Variants in NRXN3 observed in about 807,000 individuals in gnomAD.
NRXN3 encodes the protein neurexin III.
Under a neutral mutation model 137.6 loss-of-function variants are expected in NRXN3, and 32 were observed. The ratio of observed to expected loss-of-function variants is 0.23; its 90% CI spans 0.18 to 0.31. The LOEUF (loss-of-function observed/expected upper bound fraction) is 0.31. NRXN3 is among the 10% of genes least tolerant of loss of function. NRXN3 has a pLI of 1.00. For synonymous variants in NRXN3, 798 were observed against 784.5 expected (o/e 1.02, Z -0.29); for missense variants, 1,574 against 2,062.5 (o/e 0.76, Z 4.59).
At chr14:79,820,620 C>T (rs1369995217) in intron 20 of NRXN3, among the ~76,000 whole-genome samples, 2 of 152,092 alleles carry the variant, frequency 1.3e-5, no homozygotes, top group African/African-American at 2.4e-5. Context: ...AGGTATTAAG[C>T]CCAGTATCAA....
Position 78,243,924 on chromosome 14 carries a change from C to G in NRXN3, c.709+122C>G. The G allele has an allele frequency of 1.4e-6, 1 of 730,818 alleles. No homozygotes were observed. Among genetic ancestry groups the G allele is most frequent in the Non-Finnish European group, 2.2e-6 (1 of 450,408 alleles). The allele number at this position is 730,818 out of a possible 1,614,324, so 45.3% of individuals were successfully genotyped here. ...AGCTGCATGTTAGATCACTGGGCCC[C>G]TTGCCCTAAGGAGGCAGTGGAAATC... On this transcript the variant is annotated intron_variant, in intron 2 of 20. Transcript: ENST00000335750. This position sits in a 1 kb window ranked among gnomAD's most constrained non-coding sequence, Gnocchi z 4.2.
intron 19 of NRXN3, among the ~76,000 whole-genome samples, chr14:79,754,477 G>A (rs1369068227): frequency 1.5e-5 from 2 of 135,422 alleles, no homozygotes; most frequent in East Asian, 4.6e-4. Context: ...TGGATACAGA[G>A]GGAAGACTCA....
chr14:79,256,172 G>C (rs868057360), intron 15 of NRXN3, among the ~76,000 whole-genome samples: 2 of 145,302 alleles, frequency 1.4e-5, no homozygotes, highest in Admixed American at 1.4e-4. Context: ...CTCTCTCTCT[G>C]TCTCTCTCTC....
At chr14:79,251,071 A>G (rs1347857753) in intron 15 of NRXN3, among the ~76,000 whole-genome samples, 2 of 152,156 alleles carry the variant, frequency 1.3e-5, no homozygotes, top group Non-Finnish European at 2.9e-5. Context: ...ACATGATAGG[A>G]CAGGGCTAGT....
At chr14:79,036,322 C>T (rs562679891) in intron 15 of NRXN3, among the ~76,000 whole-genome samples, 48 of 151,878 alleles carry the variant, frequency 3.2e-4, no homozygotes, top group Non-Finnish European at 6.8e-4. Context: ...GTTCTAATGT[C>T]CTTTCTAAAA....
At chr14:79,183,637 A>C (rs995603777) in intron 15 of NRXN3, among the ~76,000 whole-genome samples, 1 of 152,230 alleles carries the variant, frequency 6.6e-6, no homozygotes, top group Non-Finnish European at 1.5e-5. Context: ...GATTAACTCT[A>C]GTCTATAATC....
At chr14:79,294,481 G>A (rs1306117712) in intron 15 of NRXN3, among the ~76,000 whole-genome samples, 2 of 152,188 alleles carry the variant, frequency 1.3e-5, no homozygotes, top group African/African-American at 2.4e-5. Context: ...TTGATCCACA[G>A]CACAGCCTTG....
intron 4 of NRXN3, among the ~76,000 whole-genome samples, chr14:78,412,512 G>A (rs1216118108): frequency 6.6e-6 from 1 of 152,144 alleles, no homozygotes; most frequent in Non-Finnish European, 1.5e-5. Context: ...CATTTGCTAT[G>A]TGCCAGGTGA....
At chr14:78,337,092 G>A (rs1458212232) in intron 4 of NRXN3, among the ~76,000 whole-genome samples, 1 of 151,996 alleles carries the variant, frequency 6.6e-6, no homozygotes, top group Non-Finnish European at 1.5e-5. Flanking sequence ...TTCTGAGCAC[G>A]CCTGGTGTCT....
intron 19 of NRXN3, among the ~76,000 whole-genome samples, chr14:79,750,454 C>T (rs1230550716): frequency 6.6e-6 from 1 of 152,124 alleles, no homozygotes; most frequent in African/African-American, 2.4e-5. Context: ...ACCTGAATCT[C>T]TTTTTGCCCT....
intron 10 of NRXN3, among the ~76,000 whole-genome samples, chr14:78,876,166 A>G (rs1279789196): frequency 6.6e-6 from 1 of 152,228 alleles, no homozygotes; most frequent in African/African-American, 2.4e-5. Flanking sequence ...TCAAATGCAG[A>G]ATGACAAAAG....
chr14:78,387,755 T>C (rs551867880), intron 4 of NRXN3, among the ~76,000 whole-genome samples: 1 of 152,342 alleles, frequency 6.6e-6, no homozygotes, highest in East Asian at 1.9e-4. Context: ...AAGAGAGATA[T>C]GGGAAGTGCA....
chr14:78,375,840 G>C (rs903677432), intron 4 of NRXN3, among the ~76,000 whole-genome samples: 1 of 152,190 alleles, frequency 6.6e-6, no homozygotes, highest in African/African-American at 2.4e-5. Flanking sequence ...TACCAAGGCT[G>C]TGAGGTGGGG....
intron 15 of NRXN3, 141 bp from the exon 16 acceptor site, chr14:79,467,080 C>T (rs1327920663): frequency 1.8e-5 from 12 of 677,188 alleles, no homozygotes; most frequent in Non-Finnish European, 2.5e-5. Context: ...CTTTGGGAGC[C>T]GTTCCTCTCA....
At chr14:78,753,786 G>A (rs2098654732) in intron 8 of NRXN3, 1 of 152,184 alleles carries the variant, frequency 6.6e-6, no homozygotes, top group South Asian at 2.1e-4. Flanking sequence ...TGGTGCAATA[G>A]ACTCTAGGAA....
chr14:78,402,608 G>A (rs1249944339), intron 4 of NRXN3, among the ~76,000 whole-genome samples: 1 of 152,134 alleles, frequency 6.6e-6, no homozygotes, highest in Admixed American at 6.5e-5. Context: ...ACAGTTTAGG[G>A]TCTACTCTGA....
chr14:78,475,148 G>A (rs2095356241), intron 4 of NRXN3, among the ~76,000 whole-genome samples: 2 of 152,182 alleles, frequency 1.3e-5, no homozygotes, highest in South Asian at 4.1e-4. Context: ...CAGTTGCTAG[G>A]TGAACTGATG....
chr14:78,389,887 A>C (rs1282017837), intron 4 of NRXN3, among the ~76,000 whole-genome samples: 3 of 152,200 alleles, frequency 2.0e-5, no homozygotes, highest in Non-Finnish European at 1.5e-5. Flanking sequence ...TTTAATCTTT[A>C]TGAAATTGAT....
chr14:79,318,257 C>T (rs974441301), intron 15 of NRXN3, among the ~76,000 whole-genome samples: 1 of 152,168 alleles, frequency 6.6e-6, no homozygotes, highest in African/African-American at 2.4e-5. Flanking sequence ...AGGAAAGTAT[C>T]TTCTTTCATG....
Sources: gnomAD v4.1 joint callset for allele counts (sites outside exome capture counted in the v4.1 genomes callset) on GRCh38, gnomAD v4.1.1 for gene constraint, Gnocchi (gnomAD v3.1) non-coding constraint, MANE v1.5 for transcripts, NCBI Gene and HGNC (gene_info 2026-07-23, HGNC 2026-07-21) for gene names.